The following ZNF536 variants were observed in gnomAD, a reference collection of about 807,000 sequenced individuals.
ZNF536 encodes the protein zinc finger protein 536.
Under a neutral mutation model 84.5 loss-of-function variants are expected in ZNF536, and 13 were observed. The ratio of observed to expected loss-of-function variants is 0.15; its 90% CI spans 0.10 to 0.24. The LOEUF is 0.24. ZNF536 is among the 10% of genes least tolerant of loss of function. ZNF536 has a pLI of 1.00. For missense variants in ZNF536, 1,536 were observed against 1,747.5 expected, an observed-to-expected ratio of 0.88 and a Z score of 2.16; for synonymous variants, 811 against 742.5, an observed-to-expected ratio of 1.09 and a Z score of -1.50.
intron 2 of ZNF536, among the ~76,000 whole-genome samples, chr19:30,503,604 C>T (rs2055038854): frequency 6.6e-6 from 1 of 152,108 alleles, no homozygotes; most frequent in African/African-American, 2.4e-5. Context: ...GTTGCTTAAG[C>T]AAAAAAGAGA....
intron 2 of ZNF536, among the ~76,000 whole-genome samples, chr19:30,497,515 G>T (rs959623303): frequency 6.6e-6 from 1 of 152,098 alleles, no homozygotes; most frequent in Non-Finnish European, 1.5e-5. Context: ...AAAAGTGAAG[G>T]CACTCCAATG....
At chr19:30,268,274 T>G (rs1206128499) in intron 1 of ZNF536, among the ~76,000 whole-genome samples, 1 of 152,176 alleles carries the variant, frequency 6.6e-6, no homozygotes, top group Non-Finnish European at 1.5e-5. Flanking sequence ...TTTAGGATTC[T>G]TACTATTGCA....
intron 2 of ZNF536, among the ~76,000 whole-genome samples, chr19:30,512,619 G>GA (rs749461176): frequency 0.033 from 4,554 of 137,620 alleles, 152 homozygotes; most frequent in African/African-American, 0.089. Flanking sequence ...AAACCATTTT[G>GA]AAAAAAAAAA....
intron 1 of ZNF536, among the ~76,000 whole-genome samples, chr19:30,655,749 C>T (rs560434753): frequency 6.6e-5 from 10 of 152,156 alleles, no homozygotes; most frequent in Non-Finnish European, 1.0e-4. Context: ...GGTTAAAATT[C>T]CCTGTTCATG....
chr19:30,529,114 T>C lies in ZNF536; in HGVS notation c.2171-5733T>C, dbSNP rs564384050. ...GGAAAAGATTCTGCCTCCTAACGCC[T>C]GAGTCAGCATTTTTGGAAAACAACG... On this transcript the variant is annotated intron_variant, in intron 2 of 4. Coordinates refer to ENST00000355537, the MANE Select transcript of ZNF536 (RefSeq NM_014717.3). Among the ~76,000 whole-genome samples the C allele has an allele frequency of 2.0e-5, 3 of 152,268 alleles. No homozygotes were observed. The East Asian group carries it at 5.8e-4, about 29-fold the overall frequency.
chr19:30,280,870 T>C (rs1168398373), intron 1 of ZNF536, among the ~76,000 whole-genome samples: 2 of 152,174 alleles, frequency 1.3e-5, no homozygotes, highest in African/African-American at 4.8e-5. Flanking sequence ...TGGGGAGCCC[T>C]TGTGGCCTCC....
intron 1 of ZNF536, among the ~76,000 whole-genome samples, chr19:30,650,848 G>A (rs145481450): frequency 2.0e-5 from 3 of 152,318 alleles, no homozygotes; most frequent in Non-Finnish European, 2.9e-5. Context: ...TCTGCAAGTC[G>A]TCAGTGACGC....
chr19:30,552,793 G>A (rs1038070837), intron 4 of ZNF536, among the ~76,000 whole-genome samples: 2 of 152,180 alleles, frequency 1.3e-5, no homozygotes, highest in African/African-American at 2.4e-5. Flanking sequence ...GGAGACGCCT[G>A]TTGCATATGA....
intron 1 of ZNF536, among the ~76,000 whole-genome samples, chr19:30,660,790 G>A (rs2050094973): frequency 6.6e-6 from 1 of 152,210 alleles, no homozygotes; most frequent in African/African-American, 2.4e-5. Context: ...GTAATCACAT[G>A]CAACTATTTC....
chr19:30,412,019 A>G lies in ZNF536; in HGVS notation c.-2-31542A>G, dbSNP rs116354177. On this transcript the variant is annotated intron_variant, in intron 1 of 4. Transcript: ENST00000355537. ...ATTATATTTATTCTGGGTGTTTGAA[A>G]TTTCCTCTGACAACTTACAATTGTT... Among the ~76,000 whole-genome samples, 488 of 151,740 alleles carry G rather than the reference A, an allele frequency of 3.2e-3. 4 individuals are homozygous for G. Among genetic ancestry groups the G allele is most frequent in the African/African-American group, 0.011 (461 of 41,430 alleles).
chr19:30,268,906 ATTATC>A (rs1228237167), intron 1 of ZNF536, among the ~76,000 whole-genome samples: 5 of 152,190 alleles, frequency 3.3e-5, no homozygotes, highest in Non-Finnish European at 5.9e-5. Context: ...AGGTAGTGGA[ATTATC>A]TTAGTGAACA....
At chr19:30,284,303 C>G (rs780651094) in intron 2 of ZNF536, among the ~76,000 whole-genome samples, 2 of 152,156 alleles carry the variant, frequency 1.3e-5, no homozygotes, top group Non-Finnish European at 1.5e-5. Flanking sequence ...ATCTTGTGGG[C>G]GGGGTGAACT....
chr19:30,490,938 C>T (rs1440911331), intron 2 of ZNF536, among the ~76,000 whole-genome samples: 1 of 152,018 alleles, frequency 6.6e-6, no homozygotes, highest in East Asian at 1.9e-4. Flanking sequence ...TCTTTAGGGG[C>T]GTTGAGGGTG....
intron 1 of ZNF536, among the ~76,000 whole-genome samples, chr19:30,259,400 G>A (rs2025078232): frequency 6.6e-6 from 1 of 152,182 alleles, no homozygotes; most frequent in South Asian, 2.1e-4. Flanking sequence ...TAGGACTGTG[G>A]TCCTGGCGCA....
intron 2 of ZNF536, among the ~76,000 whole-genome samples, chr19:30,512,189 T>C (rs1053616103): frequency 6.6e-6 from 1 of 152,206 alleles, no homozygotes; most frequent in African/African-American, 2.4e-5. Flanking sequence ...CCATAAAATA[T>C]ACTGCAAAAC....
intron 1 of ZNF536, among the ~76,000 whole-genome samples, chr19:30,609,382 A>G (rs913801615): frequency 2.0e-5 from 3 of 152,206 alleles, no homozygotes; most frequent in Non-Finnish European, 4.4e-5. Context: ...GAGGTTAGTT[A>G]TAAGGAACTT....
intron 2 of ZNF536, among the ~76,000 whole-genome samples, chr19:30,499,319 A>G (rs1375450896): frequency 6.6e-6 from 1 of 152,184 alleles, no homozygotes; most frequent in African/African-American, 2.4e-5. Flanking sequence ...GTGTGTAAGT[A>G]TGAATGTACA....
intron 2 of ZNF536, among the ~76,000 whole-genome samples, chr19:30,498,864 G>A (rs901732584): frequency 2.0e-5 from 3 of 152,062 alleles, no homozygotes; most frequent in Admixed American, 6.5e-5. Context: ...TCTACCGGGG[G>A]CGCAAGTAGG....
At chr19:30,457,773 G>C (rs866540623) in intron 2 of ZNF536, among the ~76,000 whole-genome samples, 3 of 152,162 alleles carry the variant, frequency 2.0e-5, no homozygotes, top group African/African-American at 7.2e-5. Context: ...CACTGGGAAG[G>C]AGGGCTCACA....
Sources: allele counts gnomAD v4.1 joint callset (sites outside exome capture counted in the v4.1 genomes callset), GRCh38; gene constraint gnomAD v4.1.1; transcripts MANE v1.5; gene names NCBI Gene and HGNC (gene_info 2026-07-23, HGNC 2026-07-21).